Variants in ETFA observed in about 807,000 individuals in gnomAD.
ETFA encodes the protein electron transfer flavoprotein subunit alpha.
ETFA carries 22 observed loss-of-function variants against 46.2 expected under a neutral mutation model. The ratio of observed to expected loss-of-function variants is 0.48; its 90% CI spans 0.34 to 0.68. The LOEUF is 0.68. ETFA is among the 30% of genes least tolerant of loss of function. The probability of loss-of-function intolerance (pLI) is 0.01; values close to 1 mark genes in which losing one functional copy is unlikely to be tolerated. For missense variants in ETFA, 345 were observed against 401.1 expected (o/e 0.86, Z 1.19); for synonymous variants, 131 against 139.9 (o/e 0.94, Z 0.45).
At chr15:76,305,859 GT>G (rs145324866) in intron 1 of ETFA, among the ~76,000 whole-genome samples, 1 of 146,568 alleles carries the variant, frequency 6.8e-6, no homozygotes, top group African/African-American at 2.5e-5. Context: ...AACCTCAATA[GT>G]TGTTTTTTTT....
chr15:76,217,508 C>G (rs1365177870), intron 11 of ETFA: 1 of 390,998 alleles, frequency 2.6e-6, no homozygotes. Flanking sequence ...AGTGGCCGGT[C>G]AGCAGACACA....
At chr15:76,242,023 G>C (rs1420872630) in intron 9 of ETFA, among the ~76,000 whole-genome samples, 3 of 151,836 alleles carry the variant, frequency 2.0e-5, no homozygotes, top group Admixed American at 2.0e-4. Context: ...TTTTAGTAGA[G>C]ACAAGGTTTC....
chr15:76,222,184 T>C (rs1305038829), intron 11 of ETFA, among the ~76,000 whole-genome samples: 5 of 149,838 alleles, frequency 3.3e-5, no homozygotes, highest in Non-Finnish European at 7.4e-5. Flanking sequence ...TTACCTTATA[T>C]GTTTCTTAAT....
At chr15:76,246,173 T>G (rs1393183014) in intron 9 of ETFA, among the ~76,000 whole-genome samples, 2 of 152,238 alleles carry the variant, frequency 1.3e-5, no homozygotes, top group African/African-American at 4.8e-5. Context: ...TTTTACATAT[T>G]AATCTTTAAA....
intron 1 of ETFA, among the ~76,000 whole-genome samples, chr15:76,308,558 T>C (rs1306164629): frequency 6.6e-6 from 1 of 151,396 alleles, no homozygotes; most frequent in African/African-American, 2.4e-5. Context: ...TGAGTGACAG[T>C]CTGGAAAATA....
intron 8 of ETFA, among the ~76,000 whole-genome samples, chr15:76,278,864 C>A (rs908060746): frequency 6.6e-6 from 1 of 152,194 alleles, no homozygotes; most frequent in South Asian, 2.1e-4. Context: ...TCCAGTAATT[C>A]TGACTTCCCT....
intron 1 of ETFA, among the ~76,000 whole-genome samples, chr15:76,299,704 C>T (rs566561715): frequency 6.6e-6 from 1 of 152,322 alleles, no homozygotes; most frequent in Admixed American, 6.5e-5. Context: ...TGATACTCAA[C>T]ATAGAAATTC....
chr15:76,225,427 T>C (rs2038994241), intron 11 of ETFA, among the ~76,000 whole-genome samples: 1 of 152,156 alleles, frequency 6.6e-6, no homozygotes, highest in Non-Finnish European at 1.5e-5. Context: ...TAGCTGGGAC[T>C]ACAGGCGCCT....
intron 4 of ETFA, among the ~76,000 whole-genome samples, chr15:76,288,435 G>A (rs1176136696): frequency 1.6e-4 from 25 of 152,108 alleles, no homozygotes; most frequent in Admixed American, 1.6e-3. Context: ...AGTAAGGCCA[G>A]GTACAGTGGC....
chr15:76,252,494 C>G (rs2141483794), intron 9 of ETFA, among the ~76,000 whole-genome samples: 1 of 152,322 alleles, frequency 6.6e-6, no homozygotes, highest in South Asian at 2.1e-4. Flanking sequence ...GGTAGAGATG[C>G]AGGGGGCAGG....
intron 9 of ETFA, 154 bp downstream of exon 9, chr15:76,274,258 A>AC (rs753948851): frequency 2.9e-6 from 2 of 695,096 alleles, no homozygotes; most frequent in Non-Finnish European, 5.2e-6. Flanking sequence ...ATCAAGAACT[A>AC]CACAGACCTT....
intron 9 of ETFA, among the ~76,000 whole-genome samples, chr15:76,256,134 TGTAATCCCAG>T (rs2039343348): frequency 6.6e-6 from 1 of 152,006 alleles, no homozygotes; most frequent in African/African-American, 2.4e-5. Context: ...GGTTCACACC[TGTAATCCCAG>T]CTACTCAGGA....
At position 76,219,781 on chromosome 15, in the gene ETFA, C is replaced by G. The variant is rs570502648; in HGVS notation, c.964-3184G>C. On this transcript the variant is annotated intron_variant, in intron 11 of 11. Coordinates refer to ENST00000557943, the MANE Select transcript of ETFA (RefSeq NM_000126.4). ...AACGCAAATCAAAGTCACAATGAGA[C>G]ACCACTTCACACCTACTAGGATGAC... Among the ~76,000 whole-genome samples, 12 of 152,244 alleles carry G rather than the reference C, an allele frequency of 7.9e-5. No individual in the cohort carries two copies. In the South Asian group the frequency reaches 2.1e-3, roughly 26 times the overall value.
At chr15:76,277,121 T>C (rs1249712389) in intron 8 of ETFA, among the ~76,000 whole-genome samples, 1 of 152,222 alleles carries the variant, frequency 6.6e-6, no homozygotes, top group East Asian at 1.9e-4. Context: ...GGTCTTTTAC[T>C]AAGACCGTAC....
intron 9 of ETFA, among the ~76,000 whole-genome samples, chr15:76,268,988 C>G (rs966216216): frequency 2.6e-5 from 4 of 152,232 alleles, no homozygotes; most frequent in Non-Finnish European, 5.9e-5. Flanking sequence ...CTCAGGCTCA[C>G]TTGAACCTGC....
At chr15:76,270,061 A>C (rs1952618509) in intron 9 of ETFA, among the ~76,000 whole-genome samples, 1 of 152,208 alleles carries the variant, frequency 6.6e-6, no homozygotes, top group African/African-American at 2.4e-5. Flanking sequence ...ACATCCACCA[A>C]AATGTCTAAA....
chr15:76,241,761 C>T (rs945676859), intron 9 of ETFA, among the ~76,000 whole-genome samples: 3 of 142,426 alleles, frequency 2.1e-5, no homozygotes, highest in African/African-American at 8.0e-5. Context: ...AAGATCACAC[C>T]ACTGCACTCC....
At chr15:76,272,347 AGT>A (rs2039544898) in intron 9 of ETFA, among the ~76,000 whole-genome samples, 1 of 151,470 alleles carries the variant, frequency 6.6e-6, no homozygotes, top group African/African-American at 2.4e-5. Context: ...CAACCCCCAC[AGT>A]AGCTGGGACT....
At chr15:76,311,301 G>A in intron 1 of ETFA, 49 bp downstream of exon 1, 2 of 1,544,568 alleles carry the variant, frequency 1.3e-6, no homozygotes, top group Admixed American at 2.0e-5. Context: ...TAGGGACGGC[G>A]GGTTGACGGG....
Sources: gnomAD v4.1 joint callset for allele counts (sites outside exome capture counted in the v4.1 genomes callset) on GRCh38, gnomAD v4.1.1 for gene constraint, MANE v1.5 for transcripts, NCBI Gene and HGNC (gene_info 2026-07-23, HGNC 2026-07-21) for gene names.